The following ITPK1 variants were observed in gnomAD, a reference collection of about 807,000 sequenced individuals.
ITPK1 encodes the protein inositol-tetrakisphosphate 1-kinase.
ITPK1 carries 21 observed loss-of-function variants against 45.3 expected under a neutral mutation model. The observed-to-expected ratio is 0.46, with a 90% CI of 0.33 to 0.67. The LOEUF (loss-of-function observed/expected upper bound fraction) is 0.67. Ranked by LOEUF, ITPK1 falls within the 30% of genes least tolerant of loss-of-function variation. The pLI is 0.02. For missense variants in ITPK1, 474 were observed against 573.5 expected, an observed-to-expected ratio of 0.83 and a Z score of 1.77; for synonymous variants, 258 against 253.6, an observed-to-expected ratio of 1.02 and a Z score of -0.16.
intron 10 of ITPK1, among the ~76,000 whole-genome samples, chr14:92,942,832 C>T (rs1186715060): frequency 2.0e-5 from 3 of 152,240 alleles, no homozygotes; most frequent in Admixed American, 6.5e-5. Context: ...ACAGGGCAAG[C>T]GCCCTGCCTG....
chr14:92,983,628 A>G (rs1411000311), intron 5 of ITPK1, among the ~76,000 whole-genome samples: 1 of 152,208 alleles, frequency 6.6e-6, no homozygotes, highest in African/African-American at 2.4e-5. Flanking sequence ...ACACACATCA[A>G]TCGAGGTGGG....
At chr14:93,075,438 G>GC (rs1566772020) in intron 3 of ITPK1, among the ~76,000 whole-genome samples, 1 of 150,390 alleles carries the variant, frequency 6.6e-6, no homozygotes, top group Non-Finnish European at 1.5e-5. Flanking sequence ...AAAACCTAGA[G>GC]CTGCTGAGAG....
intron 4 of ITPK1, among the ~76,000 whole-genome samples, chr14:93,013,980 C>T (rs1451185175): frequency 6.6e-6 from 1 of 152,170 alleles, no homozygotes; most frequent in Non-Finnish European, 1.5e-5. Context: ...TCTGTGCCAA[C>T]CCTGCCTGCC....
chr14:93,073,487 GTACAC>G (rs1232787095), intron 3 of ITPK1, among the ~76,000 whole-genome samples: 1 of 152,176 alleles, frequency 6.6e-6, no homozygotes, highest in African/African-American at 2.4e-5. Context: ...ATGATGCCTG[GTACAC>G]TGGAGTCCTC....
At chr14:93,074,445 TCTC>T (rs1175011600) in intron 3 of ITPK1, among the ~76,000 whole-genome samples, 1 of 152,098 alleles carries the variant, frequency 6.6e-6, no homozygotes, top group Non-Finnish European at 1.5e-5. Context: ...TCTCTCATCC[TCTC>T]CTCGAGCGGT....
chr14:92,977,051 G>A, intron 5 of ITPK1, among the ~76,000 whole-genome samples: 1 of 152,208 alleles, frequency 6.6e-6, no homozygotes, highest in East Asian at 1.9e-4. Flanking sequence ...TCACCTTTTG[G>A]TGCCTTCATT....
intron 3 of ITPK1, among the ~76,000 whole-genome samples, chr14:93,058,467 G>A (rs1274209674): frequency 1.1e-4 from 4 of 35,762 alleles, no homozygotes; most frequent in Admixed American, 2.4e-4. Flanking sequence ...CACGAGGCGG[G>A]GTGGAGGGGG....
intron 5 of ITPK1, among the ~76,000 whole-genome samples, chr14:92,987,332 G>A (rs1886538213): frequency 6.6e-6 from 1 of 152,180 alleles, no homozygotes; most frequent in South Asian, 2.1e-4. Context: ...CAGTGTGAAT[G>A]TGGGGGCGTG....
At chr14:93,046,152 C>T (rs939885772) in intron 3 of ITPK1, among the ~76,000 whole-genome samples, 7 of 152,236 alleles carry the variant, frequency 4.6e-5, no homozygotes, top group Non-Finnish European at 7.3e-5. Flanking sequence ...ACTCTCAGGG[C>T]ATCTTGACCT....
Position 93,032,124 on chromosome 14 carries a change from C to T in ITPK1, c.121-15323G>A, listed in dbSNP as rs1054058219. 1.2e-4 allele frequency among the ~76,000 whole-genome samples: 19 copies of T among 152,188 alleles called. 1 individual carries two copies. Among genetic ancestry groups the T allele is most frequent in the African/African-American group, 3.6e-4 (15 of 41,524 alleles). On this transcript the variant is annotated intron_variant, in intron 3 of 10. Transcript: ENST00000267615. This position sits in a 1 kb window ranked among gnomAD's most constrained non-coding sequence, Gnocchi z 4.0. Reference sequence around the variant, plus strand: ...CAGCACTTTAGGAGGCTGGGGCGGGCGGATCACTTGGGGTCAGGAGTTTGC... The same window carrying T: ...CAGCACTTTAGGAGGCTGGGGCGGGTGGATCACTTGGGGTCAGGAGTTTGC...
chr14:93,019,855 T>C (rs1404044622), intron 3 of ITPK1, among the ~76,000 whole-genome samples: 1 of 152,172 alleles, frequency 6.6e-6, no homozygotes, highest in African/African-American at 2.4e-5. Context: ...CCAGATGCGA[T>C]GGGGACAGGA....
At chr14:93,111,928 T>C (rs919976297) in intron 2 of ITPK1, among the ~76,000 whole-genome samples, 10 of 152,052 alleles carry the variant, frequency 6.6e-5, no homozygotes, top group Non-Finnish European at 1.2e-4. Flanking sequence ...AGCCCCATCC[T>C]ATCAGAGTGC....
At chr14:93,015,968 C>T (rs753315589) in intron 4 of ITPK1, among the ~76,000 whole-genome samples, 4 of 152,230 alleles carry the variant, frequency 2.6e-5, no homozygotes, top group Admixed American at 6.5e-5. Context: ...AAAACAGCTA[C>T]CATCTTGACT....
At chr14:93,079,053 ACT>A (rs770399353) in intron 2 of ITPK1, among the ~76,000 whole-genome samples, 20 of 151,730 alleles carry the variant, frequency 1.3e-4, no homozygotes, top group Non-Finnish European at 2.2e-4. Flanking sequence ...CCAGCGTGTG[ACT>A]CTCCTCTCTT....
chr14:93,084,318 T>C (rs1019035357), intron 2 of ITPK1, among the ~76,000 whole-genome samples: 2 of 152,232 alleles, frequency 1.3e-5, no homozygotes, highest in African/African-American at 2.4e-5. Flanking sequence ...CAAGGAGATT[T>C]AGCAACACCT....
intron 2 of ITPK1, among the ~76,000 whole-genome samples, chr14:93,090,974 T>C (rs1236391914): frequency 6.6e-6 from 1 of 151,962 alleles, no homozygotes; most frequent in Non-Finnish European, 1.5e-5. Context: ...CCTCATCCCT[T>C]CCTCCGCAAT....
Position 93,076,737 on chromosome 14 carries a change from C to T in ITPK1, c.96-118G>A, listed in dbSNP as rs1313381370. 1.2e-5 allele frequency: 14 copies of T among 1,157,846 alleles called. No individual in the cohort carries two copies. The African/African-American group carries it at 1.2e-4, about 10-fold the overall frequency. The allele number at this position is 1,157,846 out of a possible 1,614,324, so 71.7% of individuals were successfully genotyped here. A position where few individuals can be genotyped will look rare whatever the true frequency, so the allele number is the denominator to read the frequency against. On this transcript the variant is annotated intron_variant, in intron 2 of 10. Transcript: ENST00000267615. This position sits in a 1 kb window ranked among gnomAD's most constrained non-coding sequence, Gnocchi z 4.3. Reference sequence around the variant, plus strand: ...TGAGAGGGTTTCAGGAGGGAGCCGGCAGCTGCGCCTCTCCTGCTACTGTCC... The same window carrying T: ...TGAGAGGGTTTCAGGAGGGAGCCGGTAGCTGCGCCTCTCCTGCTACTGTCC...
chr14:93,011,474 T>C (rs879747857), intron 4 of ITPK1, among the ~76,000 whole-genome samples: 6 of 152,196 alleles, frequency 3.9e-5, no homozygotes, highest in Admixed American at 3.3e-4. Flanking sequence ...AGGGACAACA[T>C]GAGAAGAACC....
At chr14:93,054,912 C>T (rs934653343) in intron 3 of ITPK1, among the ~76,000 whole-genome samples, 1 of 152,098 alleles carries the variant, frequency 6.6e-6, no homozygotes, top group Non-Finnish European at 1.5e-5. Context: ...CAAACTGGCA[C>T]CCAAGAGGAA....
Sources: gnomAD v4.1 joint callset for allele counts (sites outside exome capture counted in the v4.1 genomes callset) on GRCh38, gnomAD v4.1.1 for gene constraint, Gnocchi (gnomAD v3.1) non-coding constraint, MANE v1.5 for transcripts, NCBI Gene and HGNC (gene_info 2026-07-23, HGNC 2026-07-21) for gene names.